The following ETV1 variants were observed in gnomAD, a reference collection of about 807,000 sequenced individuals.
ETV1 encodes the protein ETS variant transcription factor 1.
In ETV1, 27 loss-of-function variants were observed where a neutral mutation model predicts 62.3. The ratio of observed to expected loss-of-function variants is 0.43; its 90% CI spans 0.32 to 0.60. The LOEUF is 0.60. ETV1 is among the 20% of genes least tolerant of loss of function. The pLI, the probability that ETV1 is intolerant of heterozygous loss-of-function variation, is 0.06. For missense variants in ETV1, 605 were observed against 605.8 expected (o/e 1.00, Z 0.01); for synonymous variants, 222 against 199.6 (o/e 1.11, Z -0.94).
At chr7:13,938,066 C>T (rs557787144) in intron 7 of ETV1, among the ~76,000 whole-genome samples, 1 of 152,162 alleles carries the variant, frequency 6.6e-6, no homozygotes, top group Non-Finnish European at 1.5e-5. Context: ...CTGCCTCAGC[C>T]TCTGTAGTAG....
chr7:13,892,662 G>T lies in ETV1; in HGVS notation c.*3204C>A. 4.3e-6 allele frequency: 1 copy of T among 232,376 alleles called. No individual in the cohort carries two copies. Among genetic ancestry groups the T allele is most frequent in the East Asian group, 6.1e-5 (1 of 16,430 alleles). 14.4% of individuals were successfully genotyped at this position (232,376 alleles called of 1,614,324 possible). ...TTAAGGATCTTGAGATGGAGAGATT[G>T]TCCTGGATTATCTGAGCATCCCCTA... On this transcript the variant is annotated 3_prime_UTR_variant, in exon 14 of 14. Transcript: ENST00000430479.
rs144353170 is a variant in ETV1 at position 13,916,859 on chromosome 7, G to A, written c.803-5552C>T. Among the ~76,000 whole-genome samples the A allele has an allele frequency of 4.4e-3, 665 of 151,900 alleles. 5 individuals are homozygous for A. The highest frequency in any genetic ancestry group is 0.015 in the African/African-American group (628 of 41,390). ...AGATGGGAGGATGGTTTGAGCGCAG[G>A]AGGCAGAGGTTGCAGTGAGCCCAGA... On this transcript the variant is annotated intron_variant, in intron 9 of 13. Transcript: ENST00000430479.
At chr7:13,902,210 T>A (rs917095) in intron 12 of ETV1, among the ~76,000 whole-genome samples, 59,200 of 151,868 alleles carry the variant, frequency 0.39, 11,798 homozygotes, top group African/African-American at 0.43. Context: ...CTAAAATAGA[T>A]TGCTTTTCAA....
chr7:13,977,538 G>A, intron 5 of ETV1, 58 bp from the exon 6 acceptor site: 1 of 1,171,710 alleles, frequency 8.5e-7, no homozygotes, highest in South Asian at 1.4e-5. Flanking sequence ...AAAGCATAAG[G>A]AATGTCAAGT....
chr7:13,895,835 G>T lies in ETV1; in HGVS notation c.*31C>A, dbSNP rs201226100. The T allele has an allele frequency of 3.9e-6, 6 of 1,525,704 alleles. No homozygotes were observed. In the East Asian group the frequency reaches 1.4e-4, roughly 35 times the overall value. The allele number at this position is 1,525,704 out of a possible 1,614,324, so 94.5% of individuals were successfully genotyped here. ...GTATCTTGCAGAAAAAAGGAAAAGC[G>T]CAAAAACGCCCTGCTTGACTGTCAC... On this transcript the variant is annotated 3_prime_UTR_variant, in exon 14 of 14. Transcript: ENST00000430479.
At chr7:13,909,187 T>G (rs1425421009) in intron 11 of ETV1, among the ~76,000 whole-genome samples, 1 of 150,528 alleles carries the variant, frequency 6.6e-6, no homozygotes, top group Admixed American at 6.6e-5. Context: ...TGGGCAGTTA[T>G]GTTGTTCCTG....
intron 3 of ETV1, chr7:13,988,670 T>G (rs747796259): frequency 1.2e-6 from 2 of 1,602,838 alleles, no homozygotes; most frequent in Admixed American, 3.5e-5. Context: ...GTGTCAGCAT[T>G]TGTCTCAACT....
At chr7:13,978,299 T>C (rs184068271) in intron 5 of ETV1, among the ~76,000 whole-genome samples, 1 of 152,062 alleles carries the variant, frequency 6.6e-6, no homozygotes, top group East Asian at 1.9e-4. Flanking sequence ...ATTTTTCACT[T>C]CTAAAATGTT....
intron 6 of ETV1, chr7:13,975,125 T>C (rs1048313310): frequency 6.6e-5 from 10 of 152,224 alleles, no homozygotes; most frequent in African/African-American, 2.4e-4. Flanking sequence ...AAGTTAAAAA[T>C]TCATTTCCTC....
intron 11 of ETV1, among the ~76,000 whole-genome samples, chr7:13,908,132 C>T (rs1346809313): frequency 6.6e-6 from 1 of 152,144 alleles, no homozygotes; most frequent in East Asian, 1.9e-4. Context: ...GAAAAAATAA[C>T]CCCCTCATTT....
intron 7 of ETV1, among the ~76,000 whole-genome samples, chr7:13,938,880 T>A (rs1787125699): frequency 6.6e-6 from 1 of 152,334 alleles, no homozygotes; most frequent in East Asian, 1.9e-4. Flanking sequence ...CCAAGATGCA[T>A]CACTACAGTA....
chr7:13,962,190 C>T (rs895888201), intron 6 of ETV1, among the ~76,000 whole-genome samples: 1 of 149,898 alleles, frequency 6.7e-6, no homozygotes, highest in African/African-American at 2.5e-5. Context: ...TACACACACA[C>T]ACACACACAC....
intron 7 of ETV1, among the ~76,000 whole-genome samples, chr7:13,938,132 A>G (rs1787028559): frequency 1.3e-5 from 2 of 152,088 alleles, no homozygotes. Context: ...TTCAGTAGAG[A>G]CGAGGTTTCT....
intron 5 of ETV1, 67 bp downstream of exon 5, chr7:13,986,571 T>C: frequency 1.9e-6 from 3 of 1,603,658 alleles, no homozygotes; most frequent in African/African-American, 1.3e-5. Flanking sequence ...AGACAGCAAG[T>C]TCAGGACTTC....
intron 8 of ETV1, among the ~76,000 whole-genome samples, chr7:13,932,572 G>C (rs1364179164): frequency 2.6e-5 from 4 of 152,158 alleles, no homozygotes; most frequent in Non-Finnish European, 5.9e-5. Context: ...CTCAGCAGAA[G>C]GCTAGAAATG....
intron 5 of ETV1, among the ~76,000 whole-genome samples, chr7:13,978,585 A>G (rs1781677222): frequency 6.6e-6 from 1 of 151,998 alleles, no homozygotes; most frequent in Non-Finnish European, 1.5e-5. Context: ...ACGTTAATTA[A>G]CTTTCTTAAA....
At chr7:13,907,923 A>C (rs1228045786) in intron 11 of ETV1, 1 of 450,634 alleles carries the variant, frequency 2.2e-6, no homozygotes, top group Non-Finnish European at 4.6e-6. Context: ...TGGTCTTAAC[A>C]TGATAATATA....
rs1781568933 is a variant in ETV1, at chr7:13,977,487, A to C, written c.182-7T>G. 6.7e-7 allele frequency: 1 copy of C among 1,498,850 alleles called. No individual in the cohort carries two copies. The highest frequency in any genetic ancestry group is 1.7e-5 in the African/African-American group (1 of 59,438). The allele number at this position is 1,498,850 out of a possible 1,614,324, so 92.8% of individuals were successfully genotyped here. On this transcript the variant is annotated splice_polypyrimidine_tract_variant and splice_region_variant and intron_variant, in intron 5 of 13. Coordinates refer to ENST00000430479, the MANE Select transcript of ETV1 (RefSeq NM_004956.5). The stretch of plus-strand genomic sequence containing the variant: ...TCATTGTCAGGTACCTGAGCTGAAG[A>C]AGAAAAAGAAAATTAAAAAAAATTA...
At chr7:13,928,560 G>T (rs1000074239) in intron 9 of ETV1, among the ~76,000 whole-genome samples, 1 of 152,150 alleles carries the variant, frequency 6.6e-6, no homozygotes, top group Non-Finnish European at 1.5e-5. Flanking sequence ...GTTGCGGTGA[G>T]CCGAGATCGT....
Sources: gnomAD v4.1 joint callset for allele counts (sites outside exome capture counted in the v4.1 genomes callset) on GRCh38, gnomAD v4.1.1 for gene constraint, MANE v1.5 for transcripts, NCBI Gene and HGNC (gene_info 2026-07-23, HGNC 2026-07-21) for gene names.